The following SP140 variants were observed in gnomAD, a reference collection of about 807,000 sequenced individuals.
SP140 encodes nuclear body protein SP140.
A neutral mutation model predicts 125.0 loss-of-function variants in SP140; 81 were observed. The ratio of observed to expected loss-of-function variants is 0.65; its 90% CI spans 0.54 to 0.78. The LOEUF (loss-of-function observed/expected upper bound fraction) is 0.78, where lower values mean the gene tolerates loss of function less well. SP140 is among the 30% of genes least tolerant of loss of function. SP140 has a pLI of 0.00. For missense variants in SP140, 858 were observed against 1,037.0 expected, an observed-to-expected ratio of 0.83 and a Z score of 2.37; for synonymous variants, 312 against 354.0, an observed-to-expected ratio of 0.88 and a Z score of 1.33.
At chr2:230,314,389 G>A (rs780467811), downstream of SP140, among the ~76,000 whole-genome samples, 1 of 152,206 alleles carries the variant, frequency 6.6e-6, no homozygotes, top group African/African-American at 2.4e-5. Flanking sequence ...ACTGGCCAGC[G>A]TGCATCAGCA....
At chr2:230,283,084 G>T (rs1011702537) in intron 15 of SP140, among the ~76,000 whole-genome samples, 1 of 152,158 alleles carries the variant, frequency 6.6e-6, no homozygotes, top group Non-Finnish European at 1.5e-5. Flanking sequence ...TTCTGTGTGG[G>T]ACCTCAGAAG....
intron 1 of SP140, 99 bp from the exon 2 acceptor site, chr2:230,236,983 TG>T: frequency 1.3e-6 from 1 of 784,182 alleles, no homozygotes; most frequent in Non-Finnish European, 2.0e-6. Flanking sequence ...TTATACATGT[TG>T]GCTCTCCATT....
intron 12 of SP140, among the ~76,000 whole-genome samples, chr2:230,264,604 C>G (rs1326510571): frequency 1.3e-5 from 2 of 152,182 alleles, no homozygotes; most frequent in African/African-American, 4.8e-5. Flanking sequence ...TGGGTAGGCT[C>G]TGTCAGAGGG....
At chr2:230,269,412 T>G in intron 12 of SP140, 120 bp from the exon 13 acceptor site, 1 of 695,814 alleles carries the variant, frequency 1.4e-6, no homozygotes, top group Non-Finnish European at 2.6e-6. Flanking sequence ...AGGTATATTT[T>G]TTTCCAGAGA....
At chr2:230,289,421 C>T (rs947189486) in intron 18 of SP140, among the ~76,000 whole-genome samples, 2 of 152,108 alleles carry the variant, frequency 1.3e-5, no homozygotes, top group Non-Finnish European at 2.9e-5. Context: ...GTAGGCCAAC[C>T]ATCTTTCTTA....
At chr2:230,242,619 A>G (rs1408107486) in intron 4 of SP140, among the ~76,000 whole-genome samples, 1 of 152,134 alleles carries the variant, frequency 6.6e-6, no homozygotes, top group Non-Finnish European at 1.5e-5. Flanking sequence ...TGAAAGCCAC[A>G]TCTTCATTGC....
intron 9 of SP140, among the ~76,000 whole-genome samples, chr2:230,250,426 T>G (rs578147282): frequency 6.6e-6 from 1 of 152,270 alleles, no homozygotes; most frequent in East Asian, 1.9e-4. Flanking sequence ...CTTTTATATG[T>G]GGGCCCTTGA....
intron 22 of SP140, among the ~76,000 whole-genome samples, chr2:230,301,235 G>A (rs1451683866): frequency 6.6e-6 from 1 of 152,198 alleles, no homozygotes; most frequent in African/African-American, 2.4e-5. Flanking sequence ...AATAATCAAA[G>A]AAAATGTTGC....
At chr2:230,218,409 G>A (rs1191038065) in intron 3 of SP140, among the ~76,000 whole-genome samples, 1 of 152,180 alleles carries the variant, frequency 6.6e-6, no homozygotes, top group African/African-American at 2.4e-5. Context: ...TTGAGAGTCT[G>A]TGGTGGTAAA....
intron 15 of SP140, among the ~76,000 whole-genome samples, chr2:230,278,038 A>G (rs2054984402): frequency 6.6e-6 from 1 of 151,992 alleles, no homozygotes; most frequent in Non-Finnish European, 1.5e-5. Context: ...TCTGTTTTTA[A>G]CTTTTTGAGG....
At chr2:230,212,138 C>T (rs935591123) in intron 1 of SP140, among the ~76,000 whole-genome samples, 5 of 152,190 alleles carry the variant, frequency 3.3e-5, no homozygotes, top group East Asian at 3.8e-4. Flanking sequence ...GTGAGTGTTA[C>T]GCAGGTTACT....
rs141812213 is a variant in SP140, at chr2:230,239,608, G to A, written c.406+1227G>A. Among the ~76,000 whole-genome samples, 16 of 152,146 alleles carry A rather than the reference G, an allele frequency of 1.1e-4. No individual in the cohort carries two copies. In the South Asian group the frequency reaches 1.2e-3, roughly 12 times the overall value. ...ATTACAGTCACCCACCACCACACCC[G>A]GTTAATTCTTTTGTATTTTTAGTAG... On this transcript the variant is annotated intron_variant, in intron 3 of 26. Coordinates refer to ENST00000392045, the MANE Select transcript of SP140 (RefSeq NM_007237.5).
chr2:230,215,075 A>C, intron 3 of SP140: 1 of 1,613,852 alleles, frequency 6.2e-7, no homozygotes, highest in African/African-American at 1.3e-5. Flanking sequence ...GTTGTGCACC[A>C]CTCTGGATAC....
upstream of SP140, among the ~76,000 whole-genome samples, chr2:230,224,610 C>T (rs1358703978): frequency 6.6e-6 from 1 of 152,040 alleles, no homozygotes; most frequent in East Asian, 1.9e-4. Flanking sequence ...GTGTTTGTTC[C>T]TTTGGTAGAA....
intron 16 of SP140, among the ~76,000 whole-genome samples, chr2:230,284,707 A>T (rs1295650982): frequency 6.6e-6 from 1 of 152,228 alleles, no homozygotes; most frequent in Non-Finnish European, 1.5e-5. Context: ...CATTCCTAAG[A>T]GGGCTAAATG....
In SP140 at chr2:230,237,346, C is replaced by T; in HGVS notation, c.237+86C>T. On this transcript the variant is annotated intron_variant, in intron 2 of 26. Transcript: ENST00000392045. This position sits in a 1 kb window ranked among gnomAD's most constrained non-coding sequence, Gnocchi z 5.4. The stretch of plus-strand genomic sequence containing the variant: ...AGATGCAATGAGCAGGCTAAAGGGC[C>T]TCCTGTGAGTGGGGACCTTCACCAT... 1.6e-6 allele frequency: 2 copies of T among 1,236,240 alleles called. No individual in the cohort carries two copies. The highest frequency in any genetic ancestry group is 2.3e-6 in the Non-Finnish European group (2 of 874,436). The allele number at this position is 1,236,240 out of a possible 1,614,324, so 76.6% of individuals were successfully genotyped here.
intron 1 of SP140, among the ~76,000 whole-genome samples, chr2:230,212,118 G>A (rs72982424): frequency 6.6e-6 from 1 of 152,176 alleles, no homozygotes; most frequent in Non-Finnish European, 1.5e-5. Flanking sequence ...ATCAGCTAAG[G>A]GTCACTAGTG....
intron 1 of SP140, among the ~76,000 whole-genome samples, chr2:230,229,808 G>A (rs1011007274): frequency 6.6e-6 from 1 of 151,890 alleles, no homozygotes; most frequent in African/African-American, 2.4e-5. Context: ...CACAGGATAT[G>A]GAAGCCTACA....
chr2:230,235,965 C>T (rs2047939417), intron 1 of SP140, among the ~76,000 whole-genome samples: 1 of 150,952 alleles, frequency 6.6e-6, no homozygotes. Flanking sequence ...CAAGCTCCGC[C>T]TCCTGGGTTC....
Sources: gnomAD v4.1 joint callset for allele counts (sites outside exome capture counted in the v4.1 genomes callset) on GRCh38, gnomAD v4.1.1 for gene constraint, Gnocchi (gnomAD v3.1) non-coding constraint, MANE v1.5 for transcripts, NCBI Gene and HGNC (gene_info 2026-07-23, HGNC 2026-07-21) for gene names.